The following GULP1 variants were observed in gnomAD, a reference collection of about 807,000 sequenced individuals.
GULP1 encodes the protein GULP PTB domain containing engulfment adaptor 1.
Under a neutral mutation model 40.9 loss-of-function variants are expected in GULP1, and 19 were observed. The observed-to-expected ratio is 0.46, with a 90% CI of 0.32 to 0.68. The LOEUF (loss-of-function observed/expected upper bound fraction) is 0.68, where lower values mean the gene tolerates loss of function less well. Among genes scored for constraint, GULP1 ranks in the 30% least tolerant of loss-of-function variants. GULP1 has a pLI of 0.03. For synonymous variants in GULP1, 119 were observed against 117.6 expected (o/e 1.01, Z -0.08); for missense variants, 312 against 362.2 (o/e 0.86, Z 1.12).
intron 1 of GULP1, among the ~76,000 whole-genome samples, chr2:188,328,116 G>T (rs999106319): frequency 6.6e-6 from 1 of 152,072 alleles, no homozygotes; most frequent in African/African-American, 2.4e-5. Flanking sequence ...GAATTGGAGA[G>T]CAATCATAAT....
intron 1 of GULP1, among the ~76,000 whole-genome samples, chr2:188,294,995 T>C (rs1374382422): frequency 6.6e-6 from 1 of 152,194 alleles, no homozygotes; most frequent in Non-Finnish European, 1.5e-5. Flanking sequence ...TCATACATTT[T>C]AATTTTTGAG....
chr2:188,388,422 A>G (rs1031067342), intron 2 of GULP1, among the ~76,000 whole-genome samples: 8 of 151,570 alleles, frequency 5.3e-5, no homozygotes, highest in African/African-American at 1.5e-4. Flanking sequence ...GTATACTTGT[A>G]GTCCCAGCTC....
At chr2:188,462,596 C>T (rs956217614) in intron 2 of GULP1, among the ~76,000 whole-genome samples, 5 of 152,024 alleles carry the variant, frequency 3.3e-5, no homozygotes, top group African/African-American at 1.2e-4. Flanking sequence ...TCTGGGTGCT[C>T]CAGTGTTGGG....
chr2:188,413,360 T>G (rs1308572206), intron 2 of GULP1, among the ~76,000 whole-genome samples: 1 of 152,206 alleles, frequency 6.6e-6, no homozygotes, highest in Admixed American at 6.5e-5. Flanking sequence ...TGTTGTTTCC[T>G]GACTTTAATG....
intron 9 of GULP1, among the ~76,000 whole-genome samples, chr2:188,571,346 T>A (rs1199849940): frequency 1.3e-5 from 2 of 152,028 alleles, no homozygotes; most frequent in Non-Finnish European, 2.9e-5. Context: ...TCTATAGAAG[T>A]TTCATTTAGG....
chr2:188,467,127 T>G (rs1162481094), intron 2 of GULP1, among the ~76,000 whole-genome samples: 1 of 151,532 alleles, frequency 6.6e-6, no homozygotes, highest in East Asian at 1.9e-4. Context: ...AAAAAAAAGC[T>G]TGTGGCAAAA....
chr2:188,462,542 A>G (rs1412518690), intron 2 of GULP1, among the ~76,000 whole-genome samples: 1 of 152,086 alleles, frequency 6.6e-6, no homozygotes, highest in Admixed American at 6.6e-5. Context: ...CTATTATTGG[A>G]TTGGAGTCTA....
At chr2:188,434,765 TC>T (rs1216931741) in intron 2 of GULP1, among the ~76,000 whole-genome samples, 2 of 151,916 alleles carry the variant, frequency 1.3e-5, no homozygotes, top group Non-Finnish European at 2.9e-5. Context: ...TATTGTTTTT[TC>T]ATATCTTCTA....
At chr2:188,338,861 C>G (rs1028400669) in intron 1 of GULP1, among the ~76,000 whole-genome samples, 2 of 152,136 alleles carry the variant, frequency 1.3e-5, no homozygotes, top group African/African-American at 4.8e-5. Context: ...CCATTTTCAC[C>G]TCTTTGGCTA....
intron 10 of GULP1, among the ~76,000 whole-genome samples, chr2:188,585,477 G>A (rs955644609): frequency 5.3e-5 from 8 of 152,162 alleles, no homozygotes; most frequent in South Asian, 2.1e-4. Flanking sequence ...ACATTCAGGC[G>A]TTTCCATACA....
At chr2:188,483,534 G>C (rs754207124) in intron 4 of GULP1, 42 bp downstream of exon 4, 3 of 807,584 alleles carry the variant, frequency 3.7e-6, no homozygotes, top group Non-Finnish European at 6.0e-6. Context: ...TTTTGTTATA[G>C]TATCATTACT....
At chr2:188,546,226 TAATGAGCAGTTACAGAGAACCTCA>T (rs1691926786) in intron 7 of GULP1, among the ~76,000 whole-genome samples, 1 of 151,978 alleles carries the variant, frequency 6.6e-6, no homozygotes, top group Non-Finnish European at 1.5e-5. Context: ...CAGTGGGATC[TAATGAGCAGTTACAGAGAACCTCA>T]CCCAACAACA....
intron 1 of GULP1, among the ~76,000 whole-genome samples, chr2:188,305,805 T>G (rs1485196443): frequency 1.3e-5 from 2 of 152,176 alleles, no homozygotes; most frequent in Non-Finnish European, 2.9e-5. Context: ...TTCAAGACAG[T>G]CTTGTTCTGT....
At chr2:188,535,080 AT>A (rs1286890284) in intron 6 of GULP1, among the ~76,000 whole-genome samples, 3 of 151,108 alleles carry the variant, frequency 2.0e-5, no homozygotes, top group Non-Finnish European at 4.4e-5. Flanking sequence ...TAATTATTTA[AT>A]ATTAAAGTAA....
chr2:188,588,926 G>C (rs1312735407), intron 11 of GULP1: 3 of 152,038 alleles, frequency 2.0e-5, no homozygotes, highest in African/African-American at 7.2e-5. Context: ...GGTAGTACAT[G>C]AATTCATTAT....
chr2:188,377,623 A>G lies in GULP1; in HGVS notation c.-171-6140A>G, dbSNP rs926962670. Among the ~76,000 whole-genome samples the G allele has an allele frequency of 1.1e-4, 17 of 152,288 alleles. 1 individual carries two copies. The highest frequency in any genetic ancestry group is 4.6e-4 in the Admixed American group (7 of 15,284). ...TTGGCTCAGATAAGAATGAATACCC[A>G]AACTTTCGATTAGGGATTGAGCTAG... is the stretch of plus-strand genomic sequence containing the variant. On this transcript the variant is annotated intron_variant, in intron 1 of 11. Transcript: ENST00000409830.
At chr2:188,568,615 A>C (rs1202465886) in intron 7 of GULP1, among the ~76,000 whole-genome samples, 1 of 152,188 alleles carries the variant, frequency 6.6e-6, no homozygotes, top group Admixed American at 6.6e-5. Context: ...GCTCTCATAT[A>C]AAATTTCAGA....
chr2:188,383,504 T>C (rs546682448), intron 1 of GULP1, among the ~76,000 whole-genome samples: 1 of 152,348 alleles, frequency 6.6e-6, no homozygotes, highest in East Asian at 1.9e-4. Flanking sequence ...CACCAGGCTT[T>C]AATAGTAACA....
chr2:188,549,237 C>T (rs557142571), intron 7 of GULP1, among the ~76,000 whole-genome samples: 11 of 151,586 alleles, frequency 7.3e-5, no homozygotes, highest in African/African-American at 1.4e-4. Context: ...GATGAAAAGA[C>T]GGGGAGAAAG....
Sources: allele counts gnomAD v4.1 joint callset (sites outside exome capture counted in the v4.1 genomes callset), GRCh38; gene constraint gnomAD v4.1.1; transcripts MANE v1.5; gene names NCBI Gene and HGNC (gene_info 2026-07-23, HGNC 2026-07-21).